Variants in ZFHX3 observed in about 807,000 individuals in gnomAD.
ZFHX3 encodes zinc finger homeobox protein 3.
Under a neutral mutation model 279.1 loss-of-function variants are expected in ZFHX3, and 42 were observed. The ratio of observed to expected loss-of-function variants is 0.15; its 90% CI spans 0.12 to 0.19. ZFHX3 has a LOEUF of 0.19. Ranked by LOEUF, ZFHX3 falls within the 10% of genes least tolerant of loss-of-function variation. The probability of loss-of-function intolerance (pLI) is 1.00; values close to 1 mark genes in which losing one functional copy is unlikely to be tolerated. For synonymous variants in ZFHX3, 2,293 were observed against 1,957.8 expected, an observed-to-expected ratio of 1.17 and a Z score of -4.52; for missense variants, 4,981 against 4,754.0, an observed-to-expected ratio of 1.05 and a Z score of -1.40.
At chr16:72,925,013 G>A (rs775618976) in intron 3 of ZFHX3, among the ~76,000 whole-genome samples, 9 of 152,198 alleles carry the variant, frequency 5.9e-5, no homozygotes, top group Non-Finnish European at 1.2e-4. Context: ...AGGCAGTCAC[G>A]GGGGTGGTTT....
chr16:73,574,347 C>A (rs1165695417), intron 2 of ZFHX3, among the ~76,000 whole-genome samples: 2 of 151,854 alleles, frequency 1.3e-5, no homozygotes, highest in Admixed American at 6.6e-5. Flanking sequence ...TTTCTTGGGC[C>A]CCCCCCAGCA....
chr16:73,870,044 C>T (rs560167529), intron 1 of ZFHX3, among the ~76,000 whole-genome samples: 4 of 152,128 alleles, frequency 2.6e-5, no homozygotes, highest in Non-Finnish European at 5.9e-5. Flanking sequence ...AAAAGAAAAC[C>T]TTTGACTCTT....
chr16:72,911,272 AG>A (rs2039309122), intron 3 of ZFHX3, among the ~76,000 whole-genome samples: 2 of 152,222 alleles, frequency 1.3e-5, no homozygotes, highest in South Asian at 2.1e-4. Context: ...TTAATGAGGA[AG>A]TTAGCATAGC....
intron 2 of ZFHX3, among the ~76,000 whole-genome samples, chr16:73,518,720 C>T (rs1408685787): frequency 1.3e-5 from 2 of 152,212 alleles, no homozygotes; most frequent in Admixed American, 1.3e-4. Context: ...ACCCATCTAT[C>T]TAACATAAAT....
intron 8 of ZFHX3, among the ~76,000 whole-genome samples, chr16:73,079,251 A>G (rs1188532490): frequency 1.3e-5 from 2 of 151,824 alleles, no homozygotes; most frequent in Non-Finnish European, 2.9e-5. Context: ...AAGGCCGGGC[A>G]TAGTGGCTCA....
intron 1 of ZFHX3, among the ~76,000 whole-genome samples, chr16:73,810,663 G>A (rs1960402230): frequency 1.3e-5 from 2 of 152,154 alleles, no homozygotes; most frequent in Admixed American, 1.3e-4. Context: ...GAAGCTCAAA[G>A]AGATTAAAAG....
chr16:73,394,281 C>T (rs1200133656), intron 3 of ZFHX3, among the ~76,000 whole-genome samples: 1 of 149,082 alleles, frequency 6.7e-6, no homozygotes, highest in Admixed American at 6.7e-5. Flanking sequence ...ATATCTGATA[C>T]ATATTTGATA....
chr16:73,752,945 G>A (rs2053774409), intron 1 of ZFHX3, among the ~76,000 whole-genome samples: 1 of 152,142 alleles, frequency 6.6e-6, no homozygotes, highest in Non-Finnish European at 1.5e-5. Flanking sequence ...CTCATTATCT[G>A]AGAATTTGCA....
intron 1 of ZFHX3, among the ~76,000 whole-genome samples, chr16:73,012,075 C>A (rs1467081300): frequency 6.6e-6 from 1 of 152,160 alleles, no homozygotes; most frequent in Non-Finnish European, 1.5e-5. Context: ...AATGTCACAG[C>A]CACTTCAAAA....
intron 1 of ZFHX3, among the ~76,000 whole-genome samples, chr16:73,022,102 T>C (rs1964320554): frequency 6.6e-6 from 1 of 152,142 alleles, no homozygotes; most frequent in South Asian, 2.1e-4. Context: ...AATACTATAA[T>C]GCACTTAGTA....
intron 5 of ZFHX3, among the ~76,000 whole-genome samples, chr16:73,251,780 AACGCACACACCATGCACAC>A (rs2013500407): frequency 2.6e-5 from 2 of 77,844 alleles, no homozygotes; most frequent in African/African-American, 7.2e-5. Flanking sequence ...CATGCACACA[AACGCACACACCATGCACAC>A]ACGCACACAC....
chr16:73,600,323 C>T (rs1374250489), intron 2 of ZFHX3, among the ~76,000 whole-genome samples: 1 of 152,060 alleles, frequency 6.6e-6, no homozygotes, highest in East Asian at 1.9e-4. Context: ...AATATGAAGG[C>T]ACTGGACTTG....
At chr16:73,159,194 A>C (rs1967167423) in intron 5 of ZFHX3, among the ~76,000 whole-genome samples, 1 of 152,248 alleles carries the variant, frequency 6.6e-6, no homozygotes, top group Non-Finnish European at 1.5e-5. Context: ...ACAAAGATCT[A>C]ATATCCAGCA....
intron 6 of ZFHX3, among the ~76,000 whole-genome samples, chr16:73,140,198 C>T (rs935760117): frequency 2.6e-5 from 4 of 151,780 alleles, no homozygotes; most frequent in Admixed American, 6.6e-5. Context: ...AAGTTTGAGG[C>T]TGCAGTGAGC....
At chr16:73,055,462 G>A (rs537778441) in intron 1 of ZFHX3, among the ~76,000 whole-genome samples, 127 of 152,168 alleles carry the variant, frequency 8.3e-4, no homozygotes, top group African/African-American at 3.0e-3. Flanking sequence ...TAGGGGTTTT[G>A]GCCTCTGAGC....
chr16:73,073,293 G>C (rs368160840), intron 8 of ZFHX3, among the ~76,000 whole-genome samples: 2 of 152,174 alleles, frequency 1.3e-5, no homozygotes, highest in Non-Finnish European at 2.9e-5. Context: ...CTACCTTCTA[G>C]AGACCTGTTC....
intron 3 of ZFHX3, among the ~76,000 whole-genome samples, chr16:72,940,175 G>T (rs1278797185): frequency 6.6e-6 from 1 of 152,156 alleles, no homozygotes. Context: ...GCCTCCCTGT[G>T]TTGAGTTTAC....
intron 5 of ZFHX3, among the ~76,000 whole-genome samples, chr16:72,822,960 C>T (rs1025807975): frequency 6.6e-6 from 1 of 152,144 alleles, no homozygotes; most frequent in Non-Finnish European, 1.5e-5. Flanking sequence ...TCCAGATATA[C>T]ACCACAGCCT....
At chr16:73,028,742 G>A (rs891473055) in intron 1 of ZFHX3, among the ~76,000 whole-genome samples, 1 of 152,082 alleles carries the variant, frequency 6.6e-6, no homozygotes, top group Admixed American at 6.5e-5. Context: ...AAAGGGGGCA[G>A]TGGGCCGCCC....
Sources: gnomAD v4.1 joint callset for allele counts (sites outside exome capture counted in the v4.1 genomes callset) on GRCh38, gnomAD v4.1.1 for gene constraint, MANE v1.5 for transcripts, NCBI Gene and HGNC (gene_info 2026-07-23, HGNC 2026-07-21) for gene names.